GNAT3: variants seen among roughly 807,000 people sequenced by gnomAD.
GNAT3 encodes G protein subunit alpha transducin 3.
GNAT3 carries 31 observed loss-of-function variants against 37.7 expected under a neutral mutation model. The ratio of observed to expected loss-of-function variants is 0.82; its 90% CI spans 0.62 to 1.11. GNAT3 has a LOEUF of 1.11. GNAT3 is among the 50% of genes most tolerant of loss of function. GNAT3 has a pLI of 0.00. For synonymous variants in GNAT3, 138 were observed against 139.8 expected (o/e 0.99, Z 0.09); for missense variants, 437 against 412.5 (o/e 1.06, Z -0.51).
chr7:80,478,452 A>C (rs193275038), intron 4 of GNAT3, among the ~76,000 whole-genome samples: 1 of 152,184 alleles, frequency 6.6e-6, no homozygotes, highest in East Asian at 1.9e-4. Context: ...CATTAATGAA[A>C]TTAATCTAGG....
rs551381491 is a variant in GNAT3 at position 80,478,191 on chromosome 7, G to A, written c.461+650C>T. Among the ~76,000 whole-genome samples the A allele has an allele frequency of 1.9e-4, 29 of 152,278 alleles. No homozygotes were observed. In the South Asian group the frequency reaches 3.3e-3, roughly 17 times the overall value. On this transcript the variant is annotated intron_variant, in intron 4 of 7. Coordinates refer to ENST00000398291, the MANE Select transcript of GNAT3 (RefSeq NM_001102386.3). ...CTCCCAAAGTGCTGGGATTACAGGC[G>A]TGAGCCACTGTGCCCAGCACTAAAG...
At chr7:80,460,495 G>T (rs571538535) in intron 7 of GNAT3, among the ~76,000 whole-genome samples, 1 of 152,172 alleles carries the variant, frequency 6.6e-6, no homozygotes, top group Non-Finnish European at 1.5e-5. Context: ...GCTCATGCCT[G>T]TAATCCTAAC....
At chr7:80,499,682 T>C (rs972095577) in intron 1 of GNAT3, among the ~76,000 whole-genome samples, 2 of 152,216 alleles carry the variant, frequency 1.3e-5, no homozygotes, top group Non-Finnish European at 2.9e-5. Flanking sequence ...GTATTATTTC[T>C]CCTTTTTATG....
intron 5 of GNAT3, among the ~76,000 whole-genome samples, chr7:80,469,394 A>G (rs954578815): frequency 1.3e-5 from 2 of 152,108 alleles, no homozygotes; most frequent in African/African-American, 4.8e-5. Context: ...TGTCTAAGTT[A>G]TTTGTTCTGA....
At chr7:80,462,040 G>C in intron 7 of GNAT3, 119 bp downstream of exon 7, 1 of 680,506 alleles carries the variant, frequency 1.5e-6, no homozygotes, top group Admixed American at 3.0e-5. Flanking sequence ...GGATCATAAA[G>C]ATAACTCAAA....
rs748050219 is a variant in GNAT3 at position 80,458,809 on chromosome 7, G to C, written c.927C>G (p.Asp309Glu). ...AGNYIKNQFL[D>E]LNLKKEDKEI... ...CCTTATCTTCTTTTTTTAAATTCAG[G>C]TCTAGAAACTGGTTCTTGATGTAGT... is the stretch of plus-strand genomic sequence containing the variant. The change falls in exon 8 of 8, where the codon GAC becomes GAG. Residue 309 changes from aspartate (D) to glutamate (E), a missense_variant. Physicochemically the swap from Asp to Glu is conservative, Grantham distance 45 (BLOSUM62 2). Transcript: ENST00000398291. 2 of 1,595,114 alleles carry C rather than the reference G, an allele frequency of 1.3e-6. No individual in the cohort carries two copies. The highest frequency in any genetic ancestry group is 1.7e-6 in the Non-Finnish European group (2 of 1,171,380).
At chr7:80,497,038 C>A (rs1263794111) in intron 1 of GNAT3, among the ~76,000 whole-genome samples, 1 of 152,104 alleles carries the variant, frequency 6.6e-6, no homozygotes, top group Non-Finnish European at 1.5e-5. Context: ...CACACCTCTC[C>A]ATGATTTTAT....
intron 2 of GNAT3, among the ~76,000 whole-genome samples, chr7:80,492,620 A>G (rs1790615786): frequency 1.3e-5 from 2 of 151,610 alleles, no homozygotes; most frequent in African/African-American, 2.4e-5. Context: ...TAAGCCTTTT[A>G]TACAGGCTTT....
At chr7:80,469,473 G>C (rs1790174272) in intron 5 of GNAT3, among the ~76,000 whole-genome samples, 1 of 152,080 alleles carries the variant, frequency 6.6e-6, no homozygotes, top group Admixed American at 6.6e-5. Context: ...GTACATTAAT[G>C]TCTATAAAGA....
At chr7:80,475,027 C>T (rs188502450) in intron 4 of GNAT3, among the ~76,000 whole-genome samples, 4 of 152,156 alleles carry the variant, frequency 2.6e-5, no homozygotes, top group Admixed American at 2.6e-4. Flanking sequence ...TGTCTCTCTT[C>T]CTGGTCTATG....
At chr7:80,484,359 G>C (rs746769476) in intron 3 of GNAT3, among the ~76,000 whole-genome samples, 2 of 152,092 alleles carry the variant, frequency 1.3e-5, no homozygotes, top group Non-Finnish European at 2.9e-5. Context: ...CAGAATCTTT[G>C]AGTAGTAATA....
chr7:80,496,855 T>G (rs1179351194), intron 1 of GNAT3, among the ~76,000 whole-genome samples: 1 of 147,958 alleles, frequency 6.8e-6, no homozygotes, highest in African/African-American at 2.4e-5. Flanking sequence ...CAACTTTTCT[T>G]TTTTTTTTTT....
intron 2 of GNAT3, among the ~76,000 whole-genome samples, chr7:80,493,661 C>T (rs1357448404): frequency 1.4e-5 from 2 of 140,938 alleles, no homozygotes; most frequent in Admixed American, 1.4e-4. Flanking sequence ...CCTCTTTCCT[C>T]CTCCTCCTCT....
intron 1 of GNAT3, among the ~76,000 whole-genome samples, chr7:80,504,987 A>T (rs1420040997): frequency 6.6e-6 from 1 of 152,236 alleles, no homozygotes; most frequent in African/African-American, 2.4e-5. Context: ...AGGAGACTGA[A>T]AATGATACAC....
chr7:80,463,548 G>T (rs1397406320), intron 5 of GNAT3, among the ~76,000 whole-genome samples: 1 of 151,774 alleles, frequency 6.6e-6, no homozygotes, highest in African/African-American at 2.4e-5. Context: ...AAGCCTCCTG[G>T]AGCGTCCATT....
intron 1 of GNAT3, among the ~76,000 whole-genome samples, chr7:80,507,880 A>T (rs1198928455): frequency 6.6e-6 from 1 of 152,042 alleles, no homozygotes; most frequent in Non-Finnish European, 1.5e-5. Context: ...AAAATGTTAA[A>T]TACAATAAAT....
At chr7:80,490,627 A>T (rs1328892812) in intron 2 of GNAT3, among the ~76,000 whole-genome samples, 1 of 152,216 alleles carries the variant, frequency 6.6e-6, no homozygotes, top group Non-Finnish European at 1.5e-5. Context: ...ATAGATGCTC[A>T]CAATTTTCAA....
intron 5 of GNAT3, among the ~76,000 whole-genome samples, chr7:80,468,134 A>G (rs984698653): frequency 1.3e-5 from 2 of 152,058 alleles, no homozygotes; most frequent in Non-Finnish European, 2.9e-5. Context: ...AGGGCAAACC[A>G]TCAGAGTTTT....
At chr7:80,481,886 C>CTTAA in intron 3 of GNAT3, among the ~76,000 whole-genome samples, 1 of 152,278 alleles carries the variant, frequency 6.6e-6, no homozygotes, top group Non-Finnish European at 1.5e-5. Context: ...CAGAAAATAA[C>CTTAA]TTAATTCTTT....
Sources: allele counts gnomAD v4.1 joint callset (sites outside exome capture counted in the v4.1 genomes callset), GRCh38; gene constraint gnomAD v4.1.1; transcripts MANE v1.5; gene names NCBI Gene and HGNC (gene_info 2026-07-23, HGNC 2026-07-21).